KCNQ5: variants seen among roughly 807,000 people sequenced by gnomAD.
KCNQ5 encodes potassium voltage-gated channel subfamily KQT member 5.
A neutral mutation model predicts 98.2 loss-of-function variants in KCNQ5; 30 were observed. That is an observed-to-expected ratio of 0.31 (90% confidence interval 0.23 to 0.41). The LOEUF (loss-of-function observed/expected upper bound fraction) is 0.41, where lower values mean the gene tolerates loss of function less well. Among genes scored for constraint, KCNQ5 ranks in the 10% least tolerant of loss-of-function variants. The probability of loss-of-function intolerance (pLI) is 1.00; values close to 1 mark genes in which losing one functional copy is unlikely to be tolerated. For missense variants in KCNQ5, 835 were observed against 1,182.5 expected, an observed-to-expected ratio of 0.71 and a Z score of 4.31; for synonymous variants, 458 against 449.4, an observed-to-expected ratio of 1.02 and a Z score of -0.24.
Position 73,192,646 on chromosome 6 carries a change from A to G in KCNQ5, c.1791A>G (p.Thr597=), listed in dbSNP as rs772314717. 4.3e-6 allele frequency: 7 copies of G among 1,612,150 alleles called. No individual in the cohort carries two copies. The Admixed American group carries it at 1.2e-4, about 27-fold the overall frequency. ...REKITAEHET[T]DDLSMLGRVV... is the part of the protein sequence containing the mutation. The stretch of plus-strand genomic sequence containing the variant: ...AAATAACAGCAGAACATGAGACCAC[A>G]GACGATCTCAGTATGCTCGGTCGGG... The change falls in exon 13 of 14, where the codon ACA becomes ACG. Residue 597 remains threonine (T), a synonymous_variant. Coordinates refer to ENST00000370398, the MANE Select transcript of KCNQ5 (RefSeq NM_019842.4).
chr6:72,766,576 A>G (rs1772584389), intron 1 of KCNQ5, among the ~76,000 whole-genome samples: 1 of 152,060 alleles, frequency 6.6e-6, no homozygotes, highest in African/African-American at 2.4e-5. Flanking sequence ...TGGAAGTAGT[A>G]AGAATTGTTC....
At chr6:72,830,817 A>AT (rs1235962832) in intron 1 of KCNQ5, among the ~76,000 whole-genome samples, 2 of 152,062 alleles carry the variant, frequency 1.3e-5, no homozygotes, top group Non-Finnish European at 2.9e-5. Context: ...ATAGGAGAAA[A>AT]TTTTTGCAAT....
chr6:73,143,864 G>A (rs1232014860), intron 10 of KCNQ5, among the ~76,000 whole-genome samples: 1 of 152,176 alleles, frequency 6.6e-6, no homozygotes, highest in Non-Finnish European at 1.5e-5. Context: ...GAAATAACCT[G>A]TGGGTGACGT....
chr6:73,119,740 C>T (rs1466661460), intron 7 of KCNQ5, among the ~76,000 whole-genome samples: 1 of 152,100 alleles, frequency 6.6e-6, no homozygotes, highest in East Asian at 1.9e-4. Flanking sequence ...TTTGCTTCTC[C>T]CTTATCAAAT....
At chr6:72,744,989 C>G (rs960308232) in intron 1 of KCNQ5, among the ~76,000 whole-genome samples, 1 of 152,032 alleles carries the variant, frequency 6.6e-6, no homozygotes, top group Non-Finnish European at 1.5e-5. Context: ...ATCTATAATA[C>G]AGAGAAGTAT....
chr6:72,874,574 A>G (rs1002367796), intron 1 of KCNQ5, among the ~76,000 whole-genome samples: 1 of 152,162 alleles, frequency 6.6e-6, no homozygotes, highest in African/African-American at 2.4e-5. Flanking sequence ...TAATGAGAAG[A>G]AAAAGAGCCA....
Position 72,628,019 on chromosome 6 carries a change from C to G in KCNQ5, c.398+5432C>G, listed in dbSNP as rs373992213. Reference sequence around the variant, plus strand: ...TCCCCCATTGTACTGTCATCGTGGGCTACTTGGTCTGTCTCTCCCACATGA... The same window carrying G: ...TCCCCCATTGTACTGTCATCGTGGGGTACTTGGTCTGTCTCTCCCACATGA... On this transcript the variant is annotated intron_variant, in intron 1 of 13. Coordinates refer to ENST00000370398, the MANE Select transcript of KCNQ5 (RefSeq NM_019842.4). 2.2e-4 allele frequency among the ~76,000 whole-genome samples: 33 copies of G among 152,272 alleles called. No homozygotes were observed. In the East Asian group the frequency reaches 4.8e-3, roughly 22 times the overall value.
intron 1 of KCNQ5, among the ~76,000 whole-genome samples, chr6:72,984,728 A>T (rs952104173): frequency 6.6e-6 from 1 of 152,050 alleles, no homozygotes; most frequent in African/African-American, 2.4e-5. Flanking sequence ...CCACTGTCCA[A>T]CTGGTCCCAG....
intron 1 of KCNQ5, among the ~76,000 whole-genome samples, chr6:72,627,575 C>G (rs946335876): frequency 6.6e-6 from 1 of 152,188 alleles, no homozygotes; most frequent in African/African-American, 2.4e-5. Flanking sequence ...GCTGCAGCTT[C>G]AGTGGAGTGC....
intron 1 of KCNQ5, among the ~76,000 whole-genome samples, chr6:72,911,408 G>A (rs1046728380): frequency 3.3e-5 from 5 of 152,072 alleles, no homozygotes. Flanking sequence ...CCGGAAGGGG[G>A]CCTCACCAGA....
At chr6:72,892,386 T>G (rs1222651551) in intron 1 of KCNQ5, among the ~76,000 whole-genome samples, 3 of 152,206 alleles carry the variant, frequency 2.0e-5, no homozygotes, top group African/African-American at 7.2e-5. Flanking sequence ...GTCAGAGCCC[T>G]TGACATACAT....
intron 1 of KCNQ5, among the ~76,000 whole-genome samples, chr6:72,875,860 A>C (rs1778386236): frequency 6.6e-6 from 1 of 152,084 alleles, no homozygotes; most frequent in African/African-American, 2.4e-5. Context: ...GTGTTTTGAA[A>C]AATATTTCAG....
intron 1 of KCNQ5, among the ~76,000 whole-genome samples, chr6:72,931,488 C>T (rs1465813566): frequency 6.6e-6 from 1 of 152,016 alleles, no homozygotes; most frequent in Admixed American, 6.6e-5. Flanking sequence ...TTTTAAAGAT[C>T]CTAAATCACT....
chr6:73,059,787 CA>C (rs1345964375), intron 3 of KCNQ5, among the ~76,000 whole-genome samples: 2 of 151,922 alleles, frequency 1.3e-5, no homozygotes, highest in African/African-American at 4.8e-5. Flanking sequence ...CATTAAGGAG[CA>C]GTTCTTCATA....
chr6:73,017,356 T>C (rs1290596899), intron 2 of KCNQ5, among the ~76,000 whole-genome samples: 1 of 130,038 alleles, frequency 7.7e-6, no homozygotes, highest in Non-Finnish European at 1.5e-5. Flanking sequence ...CTCTAAGTCA[T>C]TTTTTTATCT....
intron 1 of KCNQ5, among the ~76,000 whole-genome samples, chr6:72,827,036 T>C (rs1776030436): frequency 1.3e-5 from 2 of 152,182 alleles, no homozygotes; most frequent in Non-Finnish European, 2.9e-5. Context: ...TCCATCTATG[T>C]TGCTATGAAT....
Position 73,196,963 on chromosome 6 carries a change from T to C in KCNQ5, c.*1549T>C, listed in dbSNP as rs1765809833. 6.6e-6 allele frequency: 1 copy of C among 152,120 alleles called. No homozygotes were observed. 9.4% of individuals were successfully genotyped at this position (152,120 alleles called of 1,614,324 possible). On this transcript the variant is annotated 3_prime_UTR_variant, in exon 14 of 14. Transcript: ENST00000370398. ...AAGGACATAAGAGATAGCATTTCAA[T>C]TCAATTAAACCCTAGCCACAGGAGG...
intron 1 of KCNQ5, among the ~76,000 whole-genome samples, chr6:72,911,405 G>A (rs563913023): frequency 6.6e-6 from 1 of 152,188 alleles, no homozygotes; most frequent in East Asian, 1.9e-4. Flanking sequence ...AACCCGGAAG[G>A]GGGCCTCACC....
intron 1 of KCNQ5, among the ~76,000 whole-genome samples, chr6:72,906,166 C>G (rs1779691870): frequency 6.6e-6 from 1 of 152,030 alleles, no homozygotes; most frequent in Non-Finnish European, 1.5e-5. Flanking sequence ...TGCAGATTGT[C>G]AGGGAAGTGG....
Sources: gnomAD v4.1 joint callset for allele counts (sites outside exome capture counted in the v4.1 genomes callset) on GRCh38, gnomAD v4.1.1 for gene constraint, MANE v1.5 for transcripts, NCBI Gene and HGNC (gene_info 2026-07-23, HGNC 2026-07-21) for gene names.